Variants in TMEM150A observed in about 807,000 individuals in gnomAD.
TMEM150A encodes the protein fasting-inducible integral membrane protein TM6P1.
In TMEM150A, 18 loss-of-function variants were observed where a neutral mutation model predicts 29.8. The observed-to-expected ratio is 0.60, with a 90% CI of 0.42 to 0.90. The LOEUF (loss-of-function observed/expected upper bound fraction) is 0.90. Among genes scored for constraint, TMEM150A ranks in the 40% least tolerant of loss-of-function variants. The pLI is 0.00. For synonymous variants in TMEM150A, 127 were observed against 143.6 expected (o/e 0.88, Z 0.83); for missense variants, 251 against 349.7 (o/e 0.72, Z 2.25).
Position 85,598,898 on chromosome 2 carries a change from G to T in TMEM150A, c.*178C>A. On this transcript the variant is annotated 3_prime_UTR_variant, in exon 8 of 8. Coordinates refer to ENST00000334462, the MANE Select transcript of TMEM150A (RefSeq NM_001031738.3). ...GGAAGCAGGTCATGCAGCTGTGGCAGCTGGCAGGGCCCACTCCTCCATGGC... is the reference window on the plus strand; with the variant it reads ...GGAAGCAGGTCATGCAGCTGTGGCATCTGGCAGGGCCCACTCCTCCATGGC... 1 of 902,338 alleles carries T rather than the reference G, an allele frequency of 1.1e-6. No homozygotes were observed. The highest frequency in any genetic ancestry group is 1.6e-6 in the Non-Finnish European group (1 of 614,400). The allele number at this position is 902,338 out of a possible 1,614,324, so 55.9% of individuals were successfully genotyped here.
chr2:85,598,895 G>T lies in TMEM150A; in HGVS notation c.*181C>A. On this transcript the variant is annotated 3_prime_UTR_variant, in exon 8 of 8. Coordinates refer to ENST00000334462, the MANE Select transcript of TMEM150A (RefSeq NM_001031738.3). ...TGGGGAAGCAGGTCATGCAGCTGTG[G>T]CAGCTGGCAGGGCCCACTCCTCCAT... The T allele has an allele frequency of 1.2e-6, 1 of 868,902 alleles. No homozygotes were observed. Among genetic ancestry groups the T allele is most frequent in the Non-Finnish European group, 1.7e-6 (1 of 584,070 alleles). 53.8% of individuals were successfully genotyped at this position (868,902 alleles called of 1,614,324 possible).
Position 85,600,002 on chromosome 2 carries a change from G to A in TMEM150A, c.285C>T (p.Leu95=), listed in dbSNP as rs773020705. ...MGAFMVALIC[L]LRYGQLLEQS... is the part of the protein sequence containing the mutation. The stretch of plus-strand genomic sequence containing the variant: ...GCTCCAGGAGCTGCCCGTAGCGCAG[G>A]AGGCAGATCAGGGCCACTGGGGGAG... Residue 95 remains leucine (L), a synonymous_variant, in exon 6 of 8, where the codon CTC becomes CTT. Transcript: ENST00000334462. 1 of 1,612,802 alleles carries A rather than the reference G, an allele frequency of 6.2e-7. No individual in the cohort carries two copies. The highest frequency in any genetic ancestry group is 8.5e-7 in the Non-Finnish European group (1 of 1,179,998).
chr2:85,601,907 G>A lies in TMEM150A; in HGVS notation c.42C>T (p.Phe14=). The change falls in exon 2 of 8, where the codon TTC becomes TTT. Residue 14 remains phenylalanine, a synonymous_variant. Transcript: ENST00000334462. This position sits in a 1 kb window ranked among gnomAD's most constrained non-coding sequence, Gnocchi z 4.0. Reference sequence around the variant, plus strand: ...ACACAGTCCATATGCCAGTGATGGAGAACGCTGACAGGCTGACAGGCAGGA... The same window carrying A: ...ACACAGTCCATATGCCAGTGATGGAAAACGCTGACAGGCTGACAGGCAGGA... ...WILLPVSLSA[F]SITGIWTVYA... The A allele has an allele frequency of 6.2e-7, 1 of 1,614,082 alleles. No homozygotes were observed. The highest frequency in any genetic ancestry group is 8.5e-7 in the Non-Finnish European group (1 of 1,179,966).
In TMEM150A at chr2:85,598,919, A is replaced by T; in HGVS notation, c.*157T>A. The stretch of plus-strand genomic sequence containing the variant: ...GGCAGCTGGCAGGGCCCACTCCTCC[A>T]TGGCACAGGTGGGCATGGGATGGCC... On this transcript the variant is annotated 3_prime_UTR_variant, in exon 8 of 8. Coordinates refer to ENST00000334462, the MANE Select transcript of TMEM150A (RefSeq NM_001031738.3). The T allele has an allele frequency of 9.0e-7, 1 of 1,108,554 alleles. No individual in the cohort carries two copies. Among genetic ancestry groups the T allele is most frequent in the Non-Finnish European group, 1.3e-6 (1 of 797,818 alleles). The allele number at this position is 1,108,554 out of a possible 1,614,324, so 68.7% of individuals were successfully genotyped here.
Position 85,601,217 on chromosome 2 carries a change from A to C in TMEM150A, c.114-110T>G. 7.9e-7 allele frequency: 1 copy of C among 1,267,932 alleles called. No homozygotes were observed. Among genetic ancestry groups the C allele is most frequent in the East Asian group, 2.4e-5 (1 of 41,494 alleles). The allele number at this position is 1,267,932 out of a possible 1,614,324, so 78.5% of individuals were successfully genotyped here. A position where few individuals can be genotyped will look rare whatever the true frequency, so the allele number is the denominator to read the frequency against. On this transcript the variant is annotated intron_variant, in intron 3 of 7. Transcript: ENST00000334462. The surrounding 1 kb of genome is among the most constrained non-coding windows in gnomAD (Gnocchi z 4.0). ...TCTCCCAGACCTCCCCTACAGGGAC[A>C]GAAGATCCCACTCCCCAGTGCCCGC...
Position 85,602,406 on chromosome 2 carries a change from G to A in TMEM150A, c.-117+201C>T, listed in dbSNP as rs186859666. ...AGCGGTGGCGAGTCGGCGGCGCGCAGGCAACCACCTGACCATCGGCGCCCT... is the reference window on the plus strand; with the variant it reads ...AGCGGTGGCGAGTCGGCGGCGCGCAAGCAACCACCTGACCATCGGCGCCCT... On this transcript the variant is annotated intron_variant, in intron 1 of 7. Transcript: ENST00000334462. The surrounding 1 kb of genome is among the most constrained non-coding windows in gnomAD (Gnocchi z 5.6). 1.3e-5 allele frequency: 2 copies of A among 152,886 alleles called. No individual in the cohort carries two copies. Among genetic ancestry groups the A allele is most frequent in the East Asian group, 3.9e-4 (2 of 5,190 alleles). 9.5% of individuals were successfully genotyped at this position (152,886 alleles called of 1,614,324 possible). A position where few individuals can be genotyped will look rare whatever the true frequency, so the allele number is the denominator to read the frequency against.
rs1467416205 is a variant in TMEM150A at position 85,599,855 on chromosome 2, T to G, written c.396+36A>C. On this transcript the variant is annotated intron_variant, in intron 6 of 7. Transcript: ENST00000334462. The surrounding 1 kb of genome is among the most constrained non-coding windows in gnomAD (Gnocchi z 6.0). ...CTGCAGGCAGCCAGGCCTTGTTAGG[T>G]AAAGTTTAAGGTTTGCAGGGGAGAA... 2 of 1,612,338 alleles carry G rather than the reference T, an allele frequency of 1.2e-6. No homozygotes were observed. Among genetic ancestry groups the G allele is most frequent in the Non-Finnish European group, 1.7e-6 (2 of 1,179,698 alleles).
rs199886441 is a variant in TMEM150A, at chr2:85,599,300, G to C, written c.592C>G (p.His198Asp). 2.4e-5 allele frequency: 39 copies of C among 1,614,052 alleles called. No homozygotes were observed. In the East Asian group the frequency reaches 4.7e-4, roughly 19 times the overall value. The change falls in exon 8 of 8, where the codon CAT (histidine) becomes GAT (aspartate). Residue 198 changes from histidine to aspartate, a missense_variant. Physicochemically the swap from His to Asp is moderately conservative, Grantham distance 81 (BLOSUM62 -1). Coordinates refer to ENST00000334462, the MANE Select transcript of TMEM150A (RefSeq NM_001031738.3). This position sits in a 1 kb window ranked among gnomAD's most constrained non-coding sequence, Gnocchi z 6.0. ...CCATGTTGCAGCTGAGAACTCTCATGGACAAAGAAGACTCCACCTAAAACG... is the reference window on the plus strand; with the variant it reads ...CCATGTTGCAGCTGAGAACTCTCATCGACAAAGAAGACTCCACCTAAAACG... Reference protein sequence around the residue: ...TLVLSGVFFVHESSQLQHGAA... With the variant: ...TLVLSGVFFVDESSQLQHGAA...
chr2:85,600,351 A>G lies in TMEM150A; in HGVS notation c.262T>C (p.Phe88Leu). Residue 88 changes from phenylalanine to leucine, a missense_variant, in exon 5 of 8, where the codon TTC becomes CTC. Physicochemically the swap from Phe to Leu is conservative, Grantham distance 22. Transcript: ENST00000334462. ...LFSLIGNMGA[F>L]MVALICLLRY... is the part of the protein sequence containing the mutation. ...GGCTAAGGGTACAACTCACCCATGA[A>G]AGCACCCATGTTGCCAATGAGGCTG... 1 of 1,613,880 alleles carries G rather than the reference A, an allele frequency of 6.2e-7. No homozygotes were observed. Among genetic ancestry groups the G allele is most frequent in the Non-Finnish European group, 8.5e-7 (1 of 1,179,966 alleles).
intron 5 of TMEM150A, 77 bp from the exon 6 acceptor site, chr2:85,600,095 G>A: frequency 1.3e-6 from 2 of 1,574,912 alleles, no homozygotes; most frequent in Non-Finnish European, 1.7e-6. Context: ...TCCCCCAGAC[G>A]CTGTGGTGCT....
At position 85,601,797 on chromosome 2, in the gene TMEM150A, T is replaced by G; in HGVS notation, c.65+87A>C. The G allele has an allele frequency of 6.7e-7, 1 of 1,491,152 alleles. No individual in the cohort carries two copies. Among genetic ancestry groups the G allele is most frequent in the Non-Finnish European group, 9.3e-7 (1 of 1,078,106 alleles). 92.4% of individuals were successfully genotyped at this position (1,491,152 alleles called of 1,614,324 possible). Reference sequence around the variant, plus strand: ...GCTTTTGAGACACCCAGAGTGACCCTGGGTACCACCGTGGCTATGACAGGA... The same window carrying G: ...GCTTTTGAGACACCCAGAGTGACCCGGGGTACCACCGTGGCTATGACAGGA... On this transcript the variant is annotated intron_variant, in intron 2 of 7. Coordinates refer to ENST00000334462, the MANE Select transcript of TMEM150A (RefSeq NM_001031738.3). This position sits in a 1 kb window ranked among gnomAD's most constrained non-coding sequence, Gnocchi z 4.0.
Position 85,599,843 on chromosome 2 carries a change from G to A in TMEM150A, c.396+48C>T. 6.2e-7 allele frequency: 1 copy of A among 1,612,180 alleles called. No individual in the cohort carries two copies. The highest frequency in any genetic ancestry group is 8.5e-7 in the Non-Finnish European group (1 of 1,179,568). On this transcript the variant is annotated intron_variant, in intron 6 of 7. Transcript: ENST00000334462. This position sits in a 1 kb window ranked among gnomAD's most constrained non-coding sequence, Gnocchi z 6.0. ...TGAGGTGCCACACTGCAGGCAGCCAGGCCTTGTTAGGTAAAGTTTAAGGTT... is the reference window on the plus strand; with the variant it reads ...TGAGGTGCCACACTGCAGGCAGCCAAGCCTTGTTAGGTAAAGTTTAAGGTT...
Position 85,601,657 on chromosome 2 carries a change from G to T in TMEM150A, c.66-175C>A. The T allele has an allele frequency of 1.2e-6, 1 of 838,910 alleles. No individual in the cohort carries two copies. Among genetic ancestry groups the T allele is most frequent in the Non-Finnish European group, 1.9e-6 (1 of 528,372 alleles). The allele number at this position is 838,910 out of a possible 1,614,324, so 52.0% of individuals were successfully genotyped here. On this transcript the variant is annotated intron_variant, in intron 2 of 7. Transcript: ENST00000334462. The surrounding 1 kb of genome is among the most constrained non-coding windows in gnomAD (Gnocchi z 4.0). ...CACCAGCACCTGCAGCATGCCCCCA[G>T]CTACAGGCCCTCTGGAAATTGCCCT...
intron 5 of TMEM150A, 79 bp downstream of exon 5, chr2:85,600,266 A>T (rs1163836108): frequency 6.5e-7 from 1 of 1,548,076 alleles, no homozygotes; most frequent in Non-Finnish European, 8.9e-7. Flanking sequence ...GGAGGGCTGC[A>T]CAGAAGGGCT....
In TMEM150A at chr2:85,598,982, A is replaced by C. The variant is rs576586773; in HGVS notation, c.*94T>G. The C allele has an allele frequency of 1.8e-5, 28 of 1,528,108 alleles. No individual in the cohort carries two copies. The East Asian group carries it at 5.1e-4, about 28-fold the overall frequency. 94.7% of individuals were successfully genotyped at this position (1,528,108 alleles called of 1,614,324 possible). A position where few individuals can be genotyped will look rare whatever the true frequency, so the allele number is the denominator to read the frequency against. ...GTGAGGAAGCCCAGATCCCAACAGA[A>C]TACTTTCTCAAAATTGTTTTTGGTA... is the stretch of plus-strand genomic sequence containing the variant. On this transcript the variant is annotated 3_prime_UTR_variant, in exon 8 of 8. Coordinates refer to ENST00000334462, the MANE Select transcript of TMEM150A (RefSeq NM_001031738.3).
chr2:85,602,032 G>A lies in TMEM150A; in HGVS notation c.-84C>T. ...AGTGGGGGCGGACCAGCTACCTTGAGATGTTTCTGCCACAACCATCAGCTG... is the reference window on the plus strand; with the variant it reads ...AGTGGGGGCGGACCAGCTACCTTGAAATGTTTCTGCCACAACCATCAGCTG... On this transcript the variant is annotated 5_prime_UTR_variant, in exon 2 of 8. Transcript: ENST00000334462. The surrounding 1 kb of genome is among the most constrained non-coding windows in gnomAD (Gnocchi z 5.6). 2 of 1,217,840 alleles carry A rather than the reference G, an allele frequency of 1.6e-6. No individual in the cohort carries two copies. The highest frequency in any genetic ancestry group is 2.3e-5 in the East Asian group (1 of 42,972). The allele number at this position is 1,217,840 out of a possible 1,614,324, so 75.4% of individuals were successfully genotyped here.
Position 85,601,186 on chromosome 2 carries a change from G to A in TMEM150A, c.114-79C>T, listed in dbSNP as rs1233340559. 12 of 1,461,044 alleles carry A rather than the reference G, an allele frequency of 8.2e-6. No homozygotes were observed. The African/African-American group carries it at 8.4e-5, about 10-fold the overall frequency. 90.5% of individuals were successfully genotyped at this position (1,461,044 alleles called of 1,614,324 possible). ...GGCCTATAGCCTCAGGCCTCAAAGA[G>A]GACTCTCTCCCAGACCTCCCCTACA... On this transcript the variant is annotated intron_variant, in intron 3 of 7. Transcript: ENST00000334462. The surrounding 1 kb of genome is among the most constrained non-coding windows in gnomAD (Gnocchi z 4.0).
chr2:85,600,719 C>T lies in TMEM150A; in HGVS notation c.200+302G>A, dbSNP rs1672887224. On this transcript the variant is annotated intron_variant, in intron 4 of 7. Transcript: ENST00000334462. Reference sequence around the variant, plus strand: ...ACACGGGCTGGGCAATCTGAGGGCTCCAGCTTAAATCCAGGTGCCTCCGCT... The same window carrying T: ...ACACGGGCTGGGCAATCTGAGGGCTTCAGCTTAAATCCAGGTGCCTCCGCT... 3 of 550,292 alleles carry T rather than the reference C, an allele frequency of 5.5e-6. No individual in the cohort carries two copies. The South Asian group carries it at 7.0e-5, about 13-fold the overall frequency. 34.1% of individuals were successfully genotyped at this position (550,292 alleles called of 1,614,324 possible). A position where few individuals can be genotyped will look rare whatever the true frequency, so the allele number is the denominator to read the frequency against.
In TMEM150A at chr2:85,599,055, G is replaced by A; in HGVS notation, c.*21C>T. On this transcript the variant is annotated 3_prime_UTR_variant, in exon 8 of 8. Coordinates refer to ENST00000334462, the MANE Select transcript of TMEM150A (RefSeq NM_001031738.3). This position sits in a 1 kb window ranked among gnomAD's most constrained non-coding sequence, Gnocchi z 6.0. ...TGGGGTGGGGTGCTGTGGAGGCCGG[G>A]CCAGCCACCCTCCCCAGACCTTAGA... 6.2e-6 allele frequency: 10 copies of A among 1,601,302 alleles called. No individual in the cohort carries two copies. Among genetic ancestry groups the A allele is most frequent in the African/African-American group, 1.3e-5 (1 of 74,714 alleles).
Sources: allele counts gnomAD v4.1 joint callset, GRCh38; gene constraint gnomAD v4.1.1; non-coding constraint Gnocchi (gnomAD v3.1); transcripts MANE v1.5; gene names NCBI Gene and HGNC (gene_info 2026-07-23, HGNC 2026-07-21).